Variants in RELN observed in about 807,000 individuals in gnomAD.
RELN encodes reelin.
In RELN, 108 loss-of-function variants were observed where a neutral mutation model predicts 427.6. The ratio of observed to expected loss-of-function variants is 0.25; its 90% confidence interval spans 0.22 to 0.30. The LOEUF (loss-of-function observed/expected upper bound fraction) is 0.30, where lower values mean the gene tolerates loss of function less well. Among genes scored for constraint, RELN ranks in the 10% least tolerant of loss-of-function variants. The probability of loss-of-function intolerance (pLI) is 1.00; values close to 1 mark genes in which losing one functional copy is unlikely to be tolerated. For synonymous variants in RELN, 1,524 were observed against 1,513.4 expected (o/e 1.01, Z -0.16); for missense variants, 3,715 against 4,302.8 (o/e 0.86, Z 3.82).
chr7:103,534,318 C>A (rs1830003627), intron 46 of RELN, among the ~76,000 whole-genome samples: 1 of 152,098 alleles, frequency 6.6e-6, no homozygotes, highest in Non-Finnish European at 1.5e-5. Flanking sequence ...GATGTTAAAG[C>A]TTTCCTATAA....
At chr7:103,864,033 T>C (rs182300220) in intron 2 of RELN, among the ~76,000 whole-genome samples, 1 of 152,178 alleles carries the variant, frequency 6.6e-6, no homozygotes, top group Admixed American at 6.5e-5. Flanking sequence ...TCAGACAAAC[T>C]GAAGGAACAG....
intron 1 of RELN, among the ~76,000 whole-genome samples, chr7:103,967,122 T>A (rs1484724980): frequency 6.6e-6 from 1 of 152,152 alleles, no homozygotes; most frequent in Non-Finnish European, 1.5e-5. Context: ...CTGACTAAGA[T>A]ATGGGTGTGG....
intron 1 of RELN, among the ~76,000 whole-genome samples, chr7:103,964,483 A>C (rs1398379418): frequency 6.6e-6 from 1 of 152,182 alleles, no homozygotes; most frequent in Non-Finnish European, 1.5e-5. Flanking sequence ...TGTCACCTAG[A>C]GCAATAATAT....
At chr7:103,882,444 A>G (rs3914125) in intron 2 of RELN, among the ~76,000 whole-genome samples, 17,034 of 152,066 alleles carry the variant, frequency 0.11, 1,039 homozygotes, top group Non-Finnish European at 0.13. Context: ...GTTCTCATCA[A>G]TTTGGGTCCG....
At chr7:103,909,798 A>T (rs1287327128) in intron 2 of RELN, among the ~76,000 whole-genome samples, 7 of 68,058 alleles carry the variant, frequency 1.0e-4, no homozygotes, top group Admixed American at 4.5e-4. Flanking sequence ...TATTAAATAT[A>T]TATTAATATA....
At position 103,907,414 on chromosome 7, in the gene RELN, G is replaced by GAAAAAAAAAAAA. The variant is rs1795234328; in HGVS notation, c.337+9660_337+9661insTTTTTTTTTTTT. 2.7e-3 allele frequency among the ~76,000 whole-genome samples: 106 copies of GAAAAAAAAAAAA among 39,688 alleles called. 42 individuals are homozygous for GAAAAAAAAAAAA. Among genetic ancestry groups the GAAAAAAAAAAAA allele is most frequent in the Admixed American group, 4.2e-3 (12 of 2,840 alleles). The allele number at this position is 39,688 out of a possible 152,430, so 26.0% of individuals were successfully genotyped here. On this transcript the variant is annotated intron_variant, in intron 2 of 64. Coordinates refer to ENST00000428762, the MANE Select transcript of RELN (RefSeq NM_005045.4). ...GCCTGGGCAACAAGATCAAGGCTCT[G>GAAAAAAAAAAAA]GAAAAAAAAAAAAAAAAAAAAAAAA...
At chr7:103,552,898 C>A (rs1378636849) in intron 40 of RELN, among the ~76,000 whole-genome samples, 2 of 151,920 alleles carry the variant, frequency 1.3e-5, no homozygotes, top group Non-Finnish European at 2.9e-5. Context: ...GTATAATATA[C>A]CTTTGGTTCT....
At chr7:103,688,789 G>A (rs1319634346) in intron 10 of RELN, among the ~76,000 whole-genome samples, 6 of 152,056 alleles carry the variant, frequency 3.9e-5, no homozygotes, top group Admixed American at 2.6e-4. Context: ...AATGCATAAG[G>A]TACAAGAGCA....
chr7:103,621,657 G>A (rs1432972642), intron 20 of RELN, among the ~76,000 whole-genome samples: 1 of 152,154 alleles, frequency 6.6e-6, no homozygotes, highest in African/African-American at 2.4e-5. Context: ...GGCTGCAGAG[G>A]CTGACCCACA....
At chr7:103,761,357 A>AT (rs1048901644) in intron 4 of RELN, among the ~76,000 whole-genome samples, 6 of 152,248 alleles carry the variant, frequency 3.9e-5, no homozygotes, top group African/African-American at 1.4e-4. Flanking sequence ...ATATCCACAC[A>AT]TTTTTCAAAA....
At chr7:103,533,988 A>T (rs1326265710) in intron 46 of RELN, among the ~76,000 whole-genome samples, 2 of 152,198 alleles carry the variant, frequency 1.3e-5, no homozygotes, top group Non-Finnish European at 1.5e-5. Context: ...CACGTATCTC[A>T]TTTAAACTTG....
intron 49 of RELN, among the ~76,000 whole-genome samples, chr7:103,517,781 C>T (rs551609281): frequency 6.6e-6 from 1 of 152,294 alleles, no homozygotes; most frequent in South Asian, 2.1e-4. Context: ...CTGGTATTTC[C>T]TCAGTGGCCA....
chr7:103,895,666 G>A (rs952112838), intron 2 of RELN, among the ~76,000 whole-genome samples: 1 of 151,952 alleles, frequency 6.6e-6, no homozygotes, highest in Non-Finnish European at 1.5e-5. Flanking sequence ...GAAACATTGT[G>A]TATCAACTCT....
At chr7:103,971,815 G>A (rs1312235685) in intron 1 of RELN, among the ~76,000 whole-genome samples, 1 of 148,300 alleles carries the variant, frequency 6.7e-6, no homozygotes, top group African/African-American at 2.4e-5. Context: ...GCTGATGCCT[G>A]TAATCCCAGC....
At chr7:103,831,506 A>C (rs39362) in intron 3 of RELN, among the ~76,000 whole-genome samples, 56,021 of 152,036 alleles carry the variant, frequency 0.37, 10,713 homozygotes, top group Non-Finnish European at 0.42. Context: ...GAGTTATAAG[A>C]AAAATGTGAC....
In RELN at chr7:103,697,678, A is replaced by G. The variant is rs10250273; in HGVS notation, c.1143+175T>C. 0.21 allele frequency among the ~76,000 whole-genome samples: 32,684 copies of G among 152,088 alleles called. 4,747 individuals carry two copies. The highest frequency in any genetic ancestry group is 0.41 in the African/African-American group (16,847 of 41,474). ...AAATGAATGAATAAGTGAATGTTTT[A>G]TACTAATGACTTTCCATCCTTAAAA... On this transcript the variant is annotated intron_variant, in intron 10 of 64. Transcript: ENST00000428762.
At position 103,684,019 on chromosome 7, in the gene RELN, G is replaced by C. The variant is rs1254013869; in HGVS notation, c.1144-1758C>G. Among the ~76,000 whole-genome samples, 2 of 152,146 alleles carry C rather than the reference G, an allele frequency of 1.3e-5. 1 individual carries two copies. Among genetic ancestry groups the C allele is most frequent in the South Asian group, 4.1e-4 (2 of 4,830 alleles). On this transcript the variant is annotated intron_variant, in intron 10 of 64. Transcript: ENST00000428762. ...CCCAGTGTTCTCAAGGTTTGCAGTG[G>C]TAAAATGCTCTTTTAAGGATATATG...
At position 103,522,116 on chromosome 7, in the gene RELN, G is replaced by A. The variant is rs1829722157; in HGVS notation, c.7574C>T (p.Ala2525Val). The A allele has an allele frequency of 6.2e-7, 1 of 1,613,942 alleles. No individual in the cohort carries two copies. The highest frequency in any genetic ancestry group is 2.2e-5 in the East Asian group (1 of 44,880). Reference sequence around the variant, plus strand: ...AGTCAGCCAGTTCTGACTGGATGGAGCTCGATTGAAGTTGTCTTTGAGTTG... The same window carrying A: ...AGTCAGCCAGTTCTGACTGGATGGAACTCGATTGAAGTTGTCTTTGAGTTG... ...PTQLKDNFNR[A>V]PSSQNWLTVN... The change falls in exon 48 of 65, where the codon GCT (alanine) becomes GTT (valine). Residue 2525 changes from alanine (A) to valine (V), a missense_variant. This residue lies in a region of RELN where 1,310 missense variants were observed against 1,643.0 expected (regional missense o/e 0.80). Coordinates refer to ENST00000428762, the MANE Select transcript of RELN (RefSeq NM_005045.4).
At chr7:103,706,551 T>C (rs981243287) in intron 8 of RELN, among the ~76,000 whole-genome samples, 1 of 152,112 alleles carries the variant, frequency 6.6e-6, no homozygotes, top group African/African-American at 2.4e-5. Context: ...ACAAATGAGA[T>C]ACAGAATGGA....
Sources: allele counts gnomAD v4.1 joint callset (sites outside exome capture counted in the v4.1 genomes callset), GRCh38; gene constraint gnomAD v4.1.1; regional missense constraint gnomAD v4.1.1; transcripts MANE v1.5; gene names NCBI Gene and HGNC (gene_info 2026-07-23, HGNC 2026-07-21).